SBF2: variants seen among roughly 807,000 people sequenced by gnomAD.
SBF2 encodes the protein myotubularin-related protein 13.
SBF2 carries 112 observed loss-of-function variants against 225.2 expected under a neutral mutation model. The ratio of observed to expected loss-of-function variants is 0.50; its 90% CI spans 0.43 to 0.58. The LOEUF (loss-of-function observed/expected upper bound fraction) is 0.58. Ranked by LOEUF, SBF2 falls within the 20% of genes least tolerant of loss-of-function variation. The probability of loss-of-function intolerance (pLI) is 0.00; values close to 1 mark genes in which losing one functional copy is unlikely to be tolerated. For synonymous variants in SBF2, 763 were observed against 773.3 expected (o/e 0.99, Z 0.22); for missense variants, 1,996 against 2,206.2 (o/e 0.90, Z 1.91).
intron 6 of SBF2, among the ~76,000 whole-genome samples, chr11:10,010,269 G>T (rs919938551): frequency 1.3e-5 from 2 of 152,086 alleles, no homozygotes; most frequent in Non-Finnish European, 2.9e-5. Flanking sequence ...GTCTATTTTG[G>T]TTTTTGTTGC....
At chr11:9,932,932 G>A (rs1472865050) in intron 16 of SBF2, among the ~76,000 whole-genome samples, 1 of 130,092 alleles carries the variant, frequency 7.7e-6, no homozygotes, top group Admixed American at 8.1e-5. Flanking sequence ...AGGGATGGAG[G>A]GAGATCTACC....
chr11:9,992,266 G>T, intron 12 of SBF2, 149 bp downstream of exon 12: 13 of 551,366 alleles, frequency 2.4e-5, no homozygotes, highest in South Asian at 4.3e-5. Flanking sequence ...TTAAAATATC[G>T]AGATTTGATA....
At chr11:10,210,605 T>TA (rs1160287899) in intron 1 of SBF2, among the ~76,000 whole-genome samples, 2 of 152,154 alleles carry the variant, frequency 1.3e-5, no homozygotes, top group African/African-American at 2.4e-5. Context: ...AGTCAGCTCT[T>TA]AGTCTGACAG....
chr11:9,893,777 G>T (rs1214907247), intron 17 of SBF2, among the ~76,000 whole-genome samples: 1 of 152,142 alleles, frequency 6.6e-6, no homozygotes, highest in African/African-American at 2.4e-5. Context: ...TCTCCAACAT[G>T]ATCTGAATCA....
intron 1 of SBF2, among the ~76,000 whole-genome samples, chr11:10,270,118 T>C (rs1367468922): frequency 6.6e-6 from 1 of 152,138 alleles, no homozygotes; most frequent in Non-Finnish European, 1.5e-5. Flanking sequence ...TTAAATTATA[T>C]ATTAAAATGA....
intron 16 of SBF2, among the ~76,000 whole-genome samples, chr11:9,899,230 A>C (rs941203468): frequency 6.6e-6 from 1 of 151,922 alleles, no homozygotes; most frequent in East Asian, 1.9e-4. Context: ...GTGGTGGTTC[A>C]TACTTATAAT....
In SBF2 at chr11:9,954,223, ACTT is replaced by A. The variant is rs532768321; in HGVS notation, c.1860+7731_1860+7733del. Among the ~76,000 whole-genome samples, 48 of 152,328 alleles carry A rather than the reference ACTT, an allele frequency of 3.2e-4. 1 individual carries two copies. The highest frequency in any genetic ancestry group is 1.5e-3 in the South Asian group (7 of 4,826). ...TGTGGATAGGAAAGACAGAAGAATA[ACTT>A]CTAGGTCATGAAAAGTAAAAATTAC... is the stretch of plus-strand genomic sequence containing the variant. On this transcript the variant is annotated intron_variant, in intron 16 of 39. Transcript: ENST00000256190.
intron 2 of SBF2, among the ~76,000 whole-genome samples, chr11:10,086,182 A>T (rs2134890023): frequency 6.6e-6 from 1 of 151,962 alleles, no homozygotes; most frequent in Non-Finnish European, 1.5e-5. Flanking sequence ...ATTATTGGCA[A>T]TTGAGGTGTT....
At chr11:10,053,052 T>C (rs1814316749) in intron 2 of SBF2, among the ~76,000 whole-genome samples, 1 of 152,144 alleles carries the variant, frequency 6.6e-6, no homozygotes, top group South Asian at 2.1e-4. Context: ...AAGGAGGGCA[T>C]ATTGTATATA....
chr11:10,210,484 AT>A (rs1957899075), intron 1 of SBF2, among the ~76,000 whole-genome samples: 1 of 151,268 alleles, frequency 6.6e-6, no homozygotes. Context: ...ATTACACCCA[AT>A]AGCAAGGGAG....
rs35464212 is a variant in SBF2, at chr11:9,815,281, T to TA, written c.3978+1558dup. On this transcript the variant is annotated intron_variant, in intron 29 of 39. Coordinates refer to ENST00000256190, the MANE Select transcript of SBF2 (RefSeq NM_030962.4). ...GGTGAAACCCCATCTCTACTAAAAC[T>TA]AAAAAAAAAAAAAAAAAAAAAAAAA... Among the ~76,000 whole-genome samples the TA allele has an allele frequency of 8.5e-3, 363 of 42,802 alleles. 17 individuals carry two copies. The highest frequency in any genetic ancestry group is 0.028 in the African/African-American group (268 of 9,434). The allele number at this position is 42,802 out of a possible 152,430, so 28.1% of individuals were successfully genotyped here.
chr11:10,259,209 T>C (rs1013187183), intron 1 of SBF2, among the ~76,000 whole-genome samples: 2 of 152,194 alleles, frequency 1.3e-5, no homozygotes, highest in African/African-American at 2.4e-5. Flanking sequence ...AGAGCACAGG[T>C]TGTAGAGTTA....
In SBF2 at chr11:9,787,534, T is replaced by G. The variant is rs541269883; in HGVS notation, c.5037+100A>C. ...CCCTTTCCACCCTTCCTTCTGGCCA[T>G]AAACCCAGCTGGGTCTTGTCACCTG... is the stretch of plus-strand genomic sequence containing the variant. On this transcript the variant is annotated intron_variant, in intron 36 of 39. Transcript: ENST00000256190. The G allele has an allele frequency of 2.6e-4, 261 of 992,048 alleles. 3 individuals carry two copies. The highest frequency in any genetic ancestry group is 1.3e-4 in the Non-Finnish European group (84 of 628,734). The allele number at this position is 992,048 out of a possible 1,614,324, so 61.5% of individuals were successfully genotyped here.
intron 1 of SBF2, among the ~76,000 whole-genome samples, chr11:10,210,379 G>A (rs927848777): frequency 6.6e-6 from 1 of 151,172 alleles, no homozygotes; most frequent in African/African-American, 2.4e-5. Context: ...GAGAGGAGGA[G>A]GAGGAAGAGA....
intron 2 of SBF2, among the ~76,000 whole-genome samples, chr11:10,084,246 T>A (rs949384560): frequency 4.0e-5 from 6 of 151,454 alleles, no homozygotes; most frequent in African/African-American, 1.5e-4. Flanking sequence ...CTGGAACTTT[T>A]GGAAAAAAAA....
intron 24 of SBF2, among the ~76,000 whole-genome samples, chr11:9,843,211 G>A (rs1590202984): frequency 6.6e-6 from 1 of 152,070 alleles, no homozygotes; most frequent in South Asian, 2.1e-4. Flanking sequence ...CAACTCACAA[G>A]CCTTTCTTTG....
intron 2 of SBF2, among the ~76,000 whole-genome samples, chr11:10,125,426 A>C (rs1953703899): frequency 1.3e-5 from 2 of 152,122 alleles, no homozygotes; most frequent in South Asian, 4.1e-4. Flanking sequence ...ATTTGGAAAT[A>C]GTTTTAATAG....
intron 2 of SBF2, among the ~76,000 whole-genome samples, chr11:10,112,976 G>A (rs1952949509): frequency 6.6e-6 from 1 of 152,062 alleles, no homozygotes; most frequent in East Asian, 1.9e-4. Flanking sequence ...ATCTCATAGA[G>A]ATCATTCTCT....
At chr11:9,891,278 T>A (rs1263999212) in intron 17 of SBF2, among the ~76,000 whole-genome samples, 3 of 152,218 alleles carry the variant, frequency 2.0e-5, no homozygotes, top group Non-Finnish European at 4.4e-5. Context: ...TACTTTATTA[T>A]TTTCCTTCTA....
Sources: gnomAD v4.1 joint callset for allele counts (sites outside exome capture counted in the v4.1 genomes callset) on GRCh38, gnomAD v4.1.1 for gene constraint, MANE v1.5 for transcripts, NCBI Gene and HGNC (gene_info 2026-07-23, HGNC 2026-07-21) for gene names.